The following EVI5 variants were observed in gnomAD, a reference collection of about 807,000 sequenced individuals.
The protein encoded by EVI5 is ecotropic viral integration site 5.
A neutral mutation model predicts 112.0 loss-of-function variants in EVI5; 73 were observed. That is an observed-to-expected ratio of 0.65 (90% confidence interval 0.54 to 0.79). The LOEUF is 0.79. Ranked by LOEUF, EVI5 falls within the 30% of genes least tolerant of loss-of-function variation. The pLI is 0.00. For synonymous variants in EVI5, 305 were observed against 319.9 expected (o/e 0.95, Z 0.50); for missense variants, 900 against 968.8 (o/e 0.93, Z 0.94).
chr1:92,703,395 C>T lies in EVI5; in HGVS notation c.564G>A (p.Lys188=), dbSNP rs1434924721. Residue 188 remains lysine (K), a splice_region_variant and synonymous_variant, in exon 4 of 20, where the codon AAG becomes AAA. Coordinates refer to ENST00000684568, the MANE Select transcript of EVI5 (RefSeq NM_001350197.2). ...LGQEVLFNVM[K]AYSLVDREVG... ...CAAAAAATGAATAAATAAAACTTAC[C>T]TTCATTACATTAAATAAAACCTCCT... The T allele has an allele frequency of 6.7e-7, 1 of 1,498,436 alleles. No homozygotes were observed. Among genetic ancestry groups the T allele is most frequent in the Admixed American group, 2.3e-5 (1 of 44,338 alleles). The allele number at this position is 1,498,436 out of a possible 1,614,324, so 92.8% of individuals were successfully genotyped here.
At chr1:92,634,839 A>T (rs1351370343) in intron 14 of EVI5, among the ~76,000 whole-genome samples, 4 of 152,066 alleles carry the variant, frequency 2.6e-5, no homozygotes, top group Non-Finnish European at 5.9e-5. Context: ...AATGGTGGTG[A>T]CGTACAGATG....
intron 19 of EVI5, among the ~76,000 whole-genome samples, chr1:92,520,964 CTTT>C (rs375289358): frequency 7.0e-6 from 1 of 142,266 alleles, no homozygotes; most frequent in Non-Finnish European, 1.5e-5. Flanking sequence ...GCTGCTTCTT[CTTT>C]TTTTTTTTTT....
In EVI5 at chr1:92,510,215, C is replaced by T. The variant is rs1200654363; in HGVS notation, c.*3441G>A. ...CAGAAATGGTACTTAAGAATATCAA[C>T]GTTTAGAATTCAAACATGATTCTAG... is the stretch of plus-strand genomic sequence containing the variant. On this transcript the variant is annotated 3_prime_UTR_variant, in exon 20 of 20. Transcript: ENST00000684568. The T allele has an allele frequency of 2.0e-5, 3 of 152,106 alleles. No individual in the cohort carries two copies. Among genetic ancestry groups the T allele is most frequent in the Non-Finnish European group, 2.9e-5 (2 of 68,026 alleles). The allele number at this position is 152,106 out of a possible 1,614,324, so 9.4% of individuals were successfully genotyped here. A position where few individuals can be genotyped will look rare whatever the true frequency, so the allele number is the denominator to read the frequency against.
In EVI5 at chr1:92,695,288, CTT is replaced by C. The variant is rs774897516; in HGVS notation, c.909+20_909+21del. The C allele has an allele frequency of 1.1e-5, 18 of 1,592,148 alleles. No homozygotes were observed. In the South Asian group the frequency reaches 2.0e-4, roughly 17 times the overall value. ...GTGACCCCTTTGCTCAGCTCCTGCT[CTT>C]TGTCTGCCCATTAGCTTACCTCAGA... On this transcript the variant is annotated intron_variant, in intron 7 of 19. Coordinates refer to ENST00000684568, the MANE Select transcript of EVI5 (RefSeq NM_001350197.2).
chr1:92,722,966 G>C (rs994077341), intron 2 of EVI5, among the ~76,000 whole-genome samples: 1 of 152,142 alleles, frequency 6.6e-6, no homozygotes, highest in Non-Finnish European at 1.5e-5. Context: ...GAAATGATAA[G>C]AAAGCAGTAT....
intron 18 of EVI5, among the ~76,000 whole-genome samples, chr1:92,579,778 G>A (rs1053316578): frequency 2.0e-5 from 3 of 152,142 alleles, no homozygotes; most frequent in South Asian, 2.1e-4. Context: ...TGATCCACCC[G>A]TCTTGGCCTC....
intron 13 of EVI5, among the ~76,000 whole-genome samples, chr1:92,658,651 A>T (rs1214533689): frequency 6.6e-6 from 1 of 152,188 alleles, no homozygotes; most frequent in Non-Finnish European, 1.5e-5. Flanking sequence ...AAATGACCAT[A>T]CTGCCCAAAG....
rs1409477487 is a variant in EVI5 at position 92,510,271 on chromosome 1, C to T, written c.*3385G>A. ...TTCTTATCTTAAAGTCAAACTATAACCTTTACTCAATAAAGCATACTCTTA... is the reference window on the plus strand; with the variant it reads ...TTCTTATCTTAAAGTCAAACTATAATCTTTACTCAATAAAGCATACTCTTA... On this transcript the variant is annotated 3_prime_UTR_variant, in exon 20 of 20. Coordinates refer to ENST00000684568, the MANE Select transcript of EVI5 (RefSeq NM_001350197.2). 1 of 152,100 alleles carries T rather than the reference C, an allele frequency of 6.6e-6. No individual in the cohort carries two copies. Among genetic ancestry groups the T allele is most frequent in the Non-Finnish European group, 1.5e-5 (1 of 68,034 alleles). The allele number at this position is 152,100 out of a possible 1,614,324, so 9.4% of individuals were successfully genotyped here.
intron 2 of EVI5, among the ~76,000 whole-genome samples, chr1:92,720,209 C>A (rs1180780367): frequency 6.6e-6 from 1 of 152,032 alleles, no homozygotes; most frequent in Non-Finnish European, 1.5e-5. Flanking sequence ...AAAGAGCCCA[C>A]ATTGCCGAAA....
chr1:92,736,332 TGTAA>T, intron 2 of EVI5, 62 bp downstream of exon 2: 2 of 1,020,582 alleles, frequency 2.0e-6, no homozygotes, highest in Non-Finnish European at 2.9e-6. Flanking sequence ...AAAATTCTAG[TGTAA>T]GTAAATATGA....
chr1:92,661,993 T>TA (rs1428983541), intron 13 of EVI5, among the ~76,000 whole-genome samples: 1 of 152,112 alleles, frequency 6.6e-6, no homozygotes, highest in Non-Finnish European at 1.5e-5. Flanking sequence ...TATTCCTGAT[T>TA]AAGATCGCCC....
chr1:92,569,809 G>T (rs1391790941), intron 18 of EVI5, among the ~76,000 whole-genome samples: 1 of 139,140 alleles, frequency 7.2e-6, no homozygotes, highest in African/African-American at 2.8e-5. Flanking sequence ...AGCCGAGATT[G>T]CGCCACTGCA....
At chr1:92,545,610 C>A (rs1475385210) in intron 19 of EVI5, among the ~76,000 whole-genome samples, 2 of 152,120 alleles carry the variant, frequency 1.3e-5, no homozygotes, top group Non-Finnish European at 2.9e-5. Context: ...AGAAGTAACA[C>A]AATCCCAAAC....
At chr1:92,675,269 G>A (rs955413258) in intron 10 of EVI5, among the ~76,000 whole-genome samples, 9 of 152,146 alleles carry the variant, frequency 5.9e-5, no homozygotes, top group East Asian at 1.9e-4. Flanking sequence ...GCTTGAGCGC[G>A]GGAGGTCAAG....
chr1:92,766,545 C>T (rs182859696), intron 1 of EVI5, among the ~76,000 whole-genome samples: 3 of 152,224 alleles, frequency 2.0e-5, no homozygotes, highest in Non-Finnish European at 4.4e-5. Context: ...ATAAGAATTA[C>T]CACTGTTTTG....
intron 17 of EVI5, 31 bp downstream of exon 17, chr1:92,607,550 A>G (rs1441486235): frequency 2.0e-6 from 3 of 1,514,744 alleles, no homozygotes; most frequent in Non-Finnish European, 2.7e-6. Context: ...TATATTGACA[A>G]AAAACAAAAT....
chr1:92,611,128 C>A (rs35251701), intron 16 of EVI5, among the ~76,000 whole-genome samples: 32,109 of 149,048 alleles, frequency 0.22, 3,857 homozygotes, highest in Middle Eastern at 0.26. Context: ...TAAATCCCCC[C>A]AAAAAAAAGA....
intron 9 of EVI5, among the ~76,000 whole-genome samples, chr1:92,691,313 T>C (rs1315373514): frequency 6.6e-6 from 1 of 152,142 alleles, no homozygotes; most frequent in African/African-American, 2.4e-5. Flanking sequence ...TGTCACAATT[T>C]CTGAGCTTTA....
chr1:92,647,649 TA>T, intron 13 of EVI5: 1 of 326,310 alleles, frequency 3.1e-6, no homozygotes, highest in East Asian at 6.0e-5. Flanking sequence ...CCATCCTGAC[TA>T]AATTGCTTCT....
Sources: gnomAD v4.1 joint callset for allele counts (sites outside exome capture counted in the v4.1 genomes callset) on GRCh38, gnomAD v4.1.1 for gene constraint, MANE v1.5 for transcripts, NCBI Gene and HGNC (gene_info 2026-07-23, HGNC 2026-07-21) for gene names.